FRY: variants seen among roughly 807,000 people sequenced by gnomAD.
FRY encodes FRY microtubule binding protein, also known as protein furry homolog.
A neutral mutation model predicts 348.4 loss-of-function variants in FRY; 128 were observed. The ratio of observed to expected loss-of-function variants is 0.37; its 90% CI spans 0.32 to 0.43. The LOEUF (loss-of-function observed/expected upper bound fraction) is 0.43, where lower values mean the gene tolerates loss of function less well. Among genes scored for constraint, FRY ranks in the 20% least tolerant of loss-of-function variants. The pLI, the probability that FRY is intolerant of heterozygous loss-of-function variation, is 1.00. For synonymous variants in FRY, 1,370 were observed against 1,374.7 expected (o/e 1.00, Z 0.08); for missense variants, 2,736 against 3,695.2 (o/e 0.74, Z 6.73).
chr13:32,241,507 G>A (rs1886498913), intron 46 of FRY, among the ~76,000 whole-genome samples: 1 of 152,214 alleles, frequency 6.6e-6, no homozygotes, highest in Non-Finnish European at 1.5e-5. Flanking sequence ...GCAGTTCGTA[G>A]TGGAGAATTA....
chr13:32,270,498 C>T (rs1205252344), intron 55 of FRY, among the ~76,000 whole-genome samples: 3 of 152,170 alleles, frequency 2.0e-5, no homozygotes, highest in Non-Finnish European at 2.9e-5. Context: ...TGCGCCACGG[C>T]GCCCGACCTC....
chr13:32,192,412 A>G (rs951955625), intron 28 of FRY, among the ~76,000 whole-genome samples: 7 of 152,026 alleles, frequency 4.6e-5, no homozygotes, highest in African/African-American at 1.4e-4. Flanking sequence ...TCCCGGGTTC[A>G]TGCCATTCTC....
intron 11 of FRY, among the ~76,000 whole-genome samples, chr13:32,141,080 G>A (rs1880037626): frequency 6.6e-6 from 1 of 151,994 alleles, no homozygotes; most frequent in African/African-American, 2.4e-5. Flanking sequence ...ATCTGTTTCA[G>A]ATCTACAAAA....
chr13:32,173,433 G>T lies in FRY; in HGVS notation c.2218G>T (p.Ala740Ser), dbSNP rs767370919. 4 of 1,612,786 alleles carry T rather than the reference G, an allele frequency of 2.5e-6. No homozygotes were observed. The highest frequency in any genetic ancestry group is 3.4e-6 in the Non-Finnish European group (4 of 1,179,736). Residue 740 changes from alanine to serine, a missense_variant, in exon 19 of 61, where the codon GCT becomes TCT. Around this residue, in one of 9 missense-constraint regions of FRY, gnomAD observed 449 missense variants for 576.9 expected, o/e 0.78. Coordinates refer to ENST00000542859, the MANE Select transcript of FRY (RefSeq NM_023037.3). The stretch of plus-strand genomic sequence containing the variant: ...AGGTCCCCACTGCAGTGTACTCCAC[G>T]CTGTAGAAGGTTTTGCTCTGGTTTT... ...ERGPHCSVLHAVEGFALVLLC... is the reference protein window; with the variant it reads ...ERGPHCSVLHSVEGFALVLLC...
intron 1 of FRY, among the ~76,000 whole-genome samples, chr13:32,076,284 G>A (rs2138517709): frequency 6.6e-6 from 1 of 152,288 alleles, no homozygotes; most frequent in African/African-American, 2.4e-5. Context: ...ATCAAATCCT[G>A]TGGAAACCCA....
chr13:32,127,948 T>A (rs189277282), intron 7 of FRY, among the ~76,000 whole-genome samples: 1 of 152,240 alleles, frequency 6.6e-6, no homozygotes, highest in African/African-American at 2.4e-5. Flanking sequence ...CTTTCCTTAG[T>A]ATCGTGTCAT....
intron 2 of FRY, among the ~76,000 whole-genome samples, chr13:32,082,779 G>T (rs939713793): frequency 6.6e-6 from 1 of 152,110 alleles, no homozygotes; most frequent in African/African-American, 2.4e-5. Context: ...ATTTCACTGT[G>T]TTGCCTTATC....
chr13:32,274,646 G>A (rs1179975420), intron 55 of FRY, among the ~76,000 whole-genome samples, 196 bp from the exon 56 acceptor site: 5 of 136,156 alleles, frequency 3.7e-5, no homozygotes, highest in African/African-American at 1.4e-4. Flanking sequence ...GGAGCTTGCA[G>A]TGAGCCGAGA....
At chr13:32,170,871 C>T (rs1056285886) in intron 17 of FRY, 141 bp from the exon 18 acceptor site, 7 of 695,502 alleles carry the variant, frequency 1.0e-5, no homozygotes, top group African/African-American at 1.8e-5. Context: ...TTATGTAAGT[C>T]ATTTACTAAG....
At chr13:32,116,225 G>A (rs976610712) in intron 3 of FRY, among the ~76,000 whole-genome samples, 12 of 152,012 alleles carry the variant, frequency 7.9e-5, no homozygotes, top group African/African-American at 2.2e-4. Context: ...GAGATGTTAT[G>A]CCTGTTTTTT....
chr13:32,076,983 A>C (rs1875111561), intron 1 of FRY, among the ~76,000 whole-genome samples: 1 of 152,242 alleles, frequency 6.6e-6, no homozygotes. Context: ...TTGTAAAGCA[A>C]ACTGATCAGT....
chr13:32,282,664 A>G (rs982992627), intron 58 of FRY, among the ~76,000 whole-genome samples: 3 of 152,236 alleles, frequency 2.0e-5, no homozygotes, highest in Non-Finnish European at 4.4e-5. Flanking sequence ...AAGACAATAT[A>G]TATCTTTGTT....
At chr13:32,259,194 A>C (rs1464070050) in intron 51 of FRY, among the ~76,000 whole-genome samples, 1 of 152,168 alleles carries the variant, frequency 6.6e-6, no homozygotes, top group East Asian at 1.9e-4. Flanking sequence ...GAGAGGAAGG[A>C]TGGAGGGTGG....
intron 36 of FRY, among the ~76,000 whole-genome samples, chr13:32,223,727 A>G (rs1243591869): frequency 2.6e-5 from 4 of 152,134 alleles, no homozygotes; most frequent in Non-Finnish European, 5.9e-5. Flanking sequence ...TTGAAGCTGC[A>G]GTGACTTGTT....
At chr13:32,259,282 T>C (rs1219643785) in intron 51 of FRY, among the ~76,000 whole-genome samples, 6 of 152,226 alleles carry the variant, frequency 3.9e-5, no homozygotes, top group African/African-American at 1.4e-4. Context: ...CAGACTGCAA[T>C]GTTGTTCCAT....
intron 2 of FRY, among the ~76,000 whole-genome samples, chr13:32,091,638 C>T (rs1462157879): frequency 6.6e-6 from 1 of 152,156 alleles, no homozygotes; most frequent in Non-Finnish European, 1.5e-5. Context: ...AGGGTGCCAC[C>T]ACATGGGGTG....
intron 49 of FRY, among the ~76,000 whole-genome samples, chr13:32,251,142 G>A (rs75792042): frequency 0.27 from 41,390 of 152,036 alleles, 5,975 homozygotes; most frequent in Non-Finnish European, 0.31. Flanking sequence ...TCATTTTAAA[G>A]AGATTAGGAA....
chr13:32,036,840 T>C (rs1872535919), intron 1 of FRY, among the ~76,000 whole-genome samples: 1 of 152,032 alleles, frequency 6.6e-6, no homozygotes, highest in South Asian at 2.1e-4. Context: ...GTCCAGGTGA[T>C]AATTGCATTG....
chr13:32,204,212 C>A (rs780654990), intron 31 of FRY, among the ~76,000 whole-genome samples: 5 of 152,162 alleles, frequency 3.3e-5, no homozygotes, highest in Non-Finnish European at 7.3e-5. Flanking sequence ...GTAATGACTA[C>A]CCCATAGGAT....
Sources: gnomAD v4.1 joint callset for allele counts (sites outside exome capture counted in the v4.1 genomes callset) on GRCh38, gnomAD v4.1.1 for gene constraint, gnomAD v4.1.1 regional missense constraint, MANE v1.5 for transcripts, NCBI Gene and HGNC (gene_info 2026-07-23, HGNC 2026-07-21) for gene names.